Variants in LMF1 observed in about 807,000 individuals in gnomAD.
LMF1 encodes the protein lipase maturation factor 1, also known as transmembrane protein 112.
LMF1 carries 68 observed loss-of-function variants against 60.6 expected under a neutral mutation model. The ratio of observed to expected loss-of-function variants is 1.12; its 90% confidence interval spans 0.92 to 1.37. LMF1 has a LOEUF of 1.37. Ranked by LOEUF, LMF1 falls within the 40% of genes most tolerant of loss-of-function variation. LMF1 has a pLI of 0.00. For synonymous variants in LMF1, 418 were observed against 324.7 expected (o/e 1.29, Z -3.09); for missense variants, 948 against 767.2 (o/e 1.24, Z -2.78).
At chr16:913,765 C>G (rs1226600646) in intron 3 of LMF1, among the ~76,000 whole-genome samples, 2 of 152,336 alleles carry the variant, frequency 1.3e-5, no homozygotes, top group African/African-American at 2.4e-5. Context: ...TTGCTGGAGA[C>G]AGTTTAGGGT....
intron 5 of LMF1, chr16:883,852 A>G (rs1230182621): frequency 6.6e-6 from 1 of 152,254 alleles, no homozygotes; most frequent in Non-Finnish European, 1.5e-5. Flanking sequence ...TTGATTGACA[A>G]ATAATCAAAT....
intron 6 of LMF1, chr16:872,602 C>T (rs1421501942): frequency 6.6e-6 from 1 of 152,392 alleles, no homozygotes; most frequent in African/African-American, 2.4e-5. Flanking sequence ...TGCCCTCCGT[C>T]CTGAGTGTGA....
intron 2 of LMF1, among the ~76,000 whole-genome samples, chr16:944,163 G>A (rs1567287646): frequency 1.3e-5 from 2 of 152,020 alleles, no homozygotes; most frequent in Admixed American, 6.5e-5. Flanking sequence ...AGTCACCTCT[G>A]GACCGGCTGA....
intron 5 of LMF1, among the ~76,000 whole-genome samples, chr16:880,400 G>A (rs1397245337): frequency 6.6e-6 from 1 of 152,210 alleles, no homozygotes; most frequent in Non-Finnish European, 1.5e-5. Flanking sequence ...GGCCAGGCAC[G>A]GTGGCTCATG....
chr16:871,326 T>C lies in LMF1; in HGVS notation c.913A>G (p.Ser305Gly). ...QILFQAVLIVSGNLSFLNWLT... is the reference protein window; with the variant it reads ...QILFQAVLIVGGNLSFLNWLT... ...CAGTTCAGGAAGCTGAGGTTCCCGC[T>C]GACGATGAGGACGGCCTGTGGAGAC... Residue 305 changes from serine to glycine, a missense_variant, in exon 7 of 11, where the codon AGC (serine) becomes GGC (glycine). Transcript: ENST00000262301. The C allele has an allele frequency of 3.1e-6, 5 of 1,612,132 alleles. No homozygotes were observed. Among genetic ancestry groups the C allele is most frequent in the African/African-American group, 1.3e-5 (1 of 74,972 alleles).
chr16:963,207 C>T (rs1567329889), intron 1 of LMF1, among the ~76,000 whole-genome samples: 1 of 152,220 alleles, frequency 6.6e-6, no homozygotes, highest in African/African-American at 2.4e-5. Flanking sequence ...AGGCTCCCCA[C>T]ACCCCTACTG....
chr16:960,272 T>G (rs74644924), intron 1 of LMF1, among the ~76,000 whole-genome samples: 6,438 of 144,162 alleles, frequency 0.045, 384 homozygotes, highest in African/African-American at 0.11. Flanking sequence ...GTGACAGCAC[T>G]GGATCATAAC....
At chr16:951,691 G>C (rs1175922850) in intron 2 of LMF1, among the ~76,000 whole-genome samples, 2 of 152,242 alleles carry the variant, frequency 1.3e-5, no homozygotes, top group African/African-American at 4.8e-5. Flanking sequence ...ATGGGGAGCA[G>C]AGAGAAGCCT....
At chr16:875,453 C>T (rs966254660) in intron 6 of LMF1, among the ~76,000 whole-genome samples, 5 of 152,174 alleles carry the variant, frequency 3.3e-5, no homozygotes, top group African/African-American at 1.2e-4. Flanking sequence ...GTCACCTCCC[C>T]ATTCCATGTC....
intron 10 of LMF1, among the ~76,000 whole-genome samples, chr16:865,574 T>A (rs770472291): frequency 6.6e-6 from 1 of 152,214 alleles, no homozygotes; most frequent in Non-Finnish European, 1.5e-5. Context: ...AATGTTTTAT[T>A]ATCTCTGGTT....
intron 6 of LMF1, 134 bp downstream of exon 6, chr16:879,436 G>A: frequency 3.8e-6 from 4 of 1,044,952 alleles, no homozygotes; most frequent in Non-Finnish European, 5.5e-6. Flanking sequence ...AACGAAGGCT[G>A]GGGAGGACAG....
intron 2 of LMF1, among the ~76,000 whole-genome samples, chr16:938,657 G>C (rs546902344): frequency 1.3e-5 from 2 of 152,222 alleles, no homozygotes; most frequent in Middle Eastern, 3.2e-3. Flanking sequence ...GCTGTTGGGA[G>C]GACCCGGGCT....
chr16:893,243 G>C (rs987928220), intron 4 of LMF1, 171 bp from the exon 5 acceptor site: 2 of 692,378 alleles, frequency 2.9e-6, no homozygotes, highest in Non-Finnish European at 5.3e-6. Context: ...GGCAGAATTT[G>C]AGAAGGGCAG....
chr16:919,389 A>T (rs968028344), intron 3 of LMF1, among the ~76,000 whole-genome samples: 2 of 152,060 alleles, frequency 1.3e-5, no homozygotes, highest in Non-Finnish European at 2.9e-5. Context: ...CATCTCTGTC[A>T]GGACCTATGG....
chr16:975,278 G>T (rs76912374), upstream of LMF1, among the ~76,000 whole-genome samples: 22 of 152,168 alleles, frequency 1.4e-4, no homozygotes, highest in African/African-American at 4.8e-4. Flanking sequence ...CAATGTGGTG[G>T]TGTTCTCCGG....
chr16:857,506 T>G lies in LMF1; in HGVS notation c.1530-2800A>C, dbSNP rs1287440283. Among the ~76,000 whole-genome samples, 2 of 105,984 alleles carry G rather than the reference T, an allele frequency of 1.9e-5. 1 individual carries two copies. Among genetic ancestry groups the G allele is most frequent in the African/African-American group, 8.6e-5 (2 of 23,334 alleles). 69.5% of individuals were successfully genotyped at this position (105,984 alleles called of 152,430 possible). ...TGTCACCGGACGGGTGTGAGTGGTG[T>G]CTCGGGACGGGTGTGAGTGGTGTCA... is the stretch of plus-strand genomic sequence containing the variant. On this transcript the variant is annotated intron_variant, in intron 10 of 10. Transcript: ENST00000262301.
intron 4 of LMF1, among the ~76,000 whole-genome samples, chr16:908,277 T>C (rs2071019181): frequency 1.3e-5 from 2 of 152,152 alleles, no homozygotes; most frequent in Admixed American, 6.5e-5. Context: ...CTCTAGTATT[T>C]CTAATTAAAT....
At chr16:884,034 T>A (rs1367687652) in intron 5 of LMF1, 2 of 152,256 alleles carry the variant, frequency 1.3e-5, no homozygotes, top group Non-Finnish European at 2.9e-5. Context: ...GCTTCATGTC[T>A]TTTGAAGCTC....
At chr16:964,468 T>G (rs2072884047) in intron 1 of LMF1, among the ~76,000 whole-genome samples, 1 of 152,212 alleles carries the variant, frequency 6.6e-6, no homozygotes, top group Non-Finnish European at 1.5e-5. Flanking sequence ...CAAGTATTTT[T>G]TCTTTAAGGG....
Sources: allele counts gnomAD v4.1 joint callset (sites outside exome capture counted in the v4.1 genomes callset), GRCh38; gene constraint gnomAD v4.1.1; transcripts MANE v1.5; gene names NCBI Gene and HGNC (gene_info 2026-07-23, HGNC 2026-07-21).